The following GALR1 variants were observed in gnomAD, a reference collection of about 807,000 sequenced individuals.
GALR1 encodes the protein galanin receptor 1, also known as galanin receptor type 1.
Under a neutral mutation model 17.9 loss-of-function variants are expected in GALR1, and 11 were observed. The observed-to-expected ratio is 0.62, with a 90% CI of 0.39 to 1.02. GALR1 has a LOEUF of 1.02. Among genes scored for constraint, GALR1 ranks in the 50% least tolerant of loss-of-function variants. The pLI is 0.01. For synonymous variants in GALR1, 206 were observed against 205.7 expected, an observed-to-expected ratio of 1.00 and a Z score of -0.01; for missense variants, 441 against 456.9, an observed-to-expected ratio of 0.97 and a Z score of 0.32.
chr18:77,271,050 G>C lies in GALR1; in HGVS notation c.*2148G>C, dbSNP rs965955709. The C allele has an allele frequency of 1.3e-5, 2 of 152,114 alleles. No homozygotes were observed. Among genetic ancestry groups the C allele is most frequent in the African/African-American group, 4.8e-5 (2 of 41,416 alleles). 9.4% of individuals were successfully genotyped at this position (152,114 alleles called of 1,614,324 possible). On this transcript the variant is annotated 3_prime_UTR_variant, in exon 3 of 3. Transcript: ENST00000299727. ...TTTGCATGAATGGAAATGATTTCTT[G>C]CACCATGGCTATTTCTTTGTTTTCT... is the stretch of plus-strand genomic sequence containing the variant.
Position 77,250,772 on chromosome 18 carries a change from T to G in GALR1, c.224T>G (p.Leu75Arg). ...KPRSTTNLFILNLSIADLAYL... is the reference protein window; with the variant it reads ...KPRSTTNLFIRNLSIADLAYL... ...CGGAGCACCACCAACCTGTTCATCCTCAACCTGAGCATCGCCGACCTGGCC... is the reference window on the plus strand; with the variant it reads ...CGGAGCACCACCAACCTGTTCATCCGCAACCTGAGCATCGCCGACCTGGCC... Residue 75 changes from leucine (L) to arginine (R), a missense_variant, in exon 1 of 3, where the codon CTC (leucine) becomes CGC (arginine). Leu to Arg is a moderately radical substitution (Grantham distance 102). Coordinates refer to ENST00000299727, the MANE Select transcript of GALR1 (RefSeq NM_001480.4). The G allele has an allele frequency of 1.2e-6, 2 of 1,614,010 alleles. No individual in the cohort carries two copies. Among genetic ancestry groups the G allele is most frequent in the Non-Finnish European group, 8.5e-7 (1 of 1,179,996 alleles).
chr18:77,255,779 G>A (rs1912574166), intron 1 of GALR1, among the ~76,000 whole-genome samples: 1 of 152,138 alleles, frequency 6.6e-6, no homozygotes, highest in Non-Finnish European at 1.5e-5. Flanking sequence ...GCAGGGACCT[G>A]GTGTTTATTA....
Position 77,250,409 on chromosome 18 carries a change from C to A in GALR1, c.-140C>A. ...GCCACCGGATCCCCGCTCCCGCTGGCTCGCGCCTCGGGGGAAGCTCAGACT... is the reference window on the plus strand; with the variant it reads ...GCCACCGGATCCCCGCTCCCGCTGGATCGCGCCTCGGGGGAAGCTCAGACT... On this transcript the variant is annotated 5_prime_UTR_variant, in exon 1 of 3. Transcript: ENST00000299727. 1 of 907,942 alleles carries A rather than the reference C, an allele frequency of 1.1e-6. No homozygotes were observed. Among genetic ancestry groups the A allele is most frequent in the Non-Finnish European group, 1.5e-6 (1 of 654,260 alleles). 56.2% of individuals were successfully genotyped at this position (907,942 alleles called of 1,614,324 possible).
intron 2 of GALR1, among the ~76,000 whole-genome samples, chr18:77,263,013 G>C (rs779205639): frequency 1.3e-5 from 2 of 152,206 alleles, no homozygotes; most frequent in African/African-American, 4.8e-5. Flanking sequence ...TGTTGATAAG[G>C]CATAGATCTT....
rs1259344730 is a variant in GALR1, at chr18:77,252,353, CT to C, written c.666+1140del. Among the ~76,000 whole-genome samples, 4 of 152,256 alleles carry C rather than the reference CT, an allele frequency of 2.6e-5. No individual in the cohort carries two copies. The East Asian group carries it at 7.7e-4, about 29-fold the overall frequency. ...TTACCAGTTCCACCCGACTTCACCG[CT>C]GTCTCTCATTCTGTTTCAATAAGGC... is the stretch of plus-strand genomic sequence containing the variant. On this transcript the variant is annotated intron_variant, in intron 1 of 2. Coordinates refer to ENST00000299727, the MANE Select transcript of GALR1 (RefSeq NM_001480.4).
At position 77,272,805 on chromosome 18, in the gene GALR1, C is replaced by T. The variant is rs1913088411; in HGVS notation, c.*3903C>T. On this transcript the variant is annotated 3_prime_UTR_variant, in exon 3 of 3. Transcript: ENST00000299727. Reference sequence around the variant, plus strand: ...AGGTGGTTTAAAATTCAGATAGTTACATGTTGGCCTGGAAAGAACAAAATT... The same window carrying T: ...AGGTGGTTTAAAATTCAGATAGTTATATGTTGGCCTGGAAAGAACAAAATT... 6.6e-6 allele frequency: 1 copy of T among 152,156 alleles called. No homozygotes were observed. The highest frequency in any genetic ancestry group is 6.5e-5 in the Admixed American group (1 of 15,282). The allele number at this position is 152,156 out of a possible 1,614,324, so 9.4% of individuals were successfully genotyped here.
intron 2 of GALR1, among the ~76,000 whole-genome samples, chr18:77,257,514 A>T (rs1481059355): frequency 1.3e-5 from 2 of 152,218 alleles, no homozygotes; most frequent in Non-Finnish European, 2.9e-5. Flanking sequence ...AAACCCTGTA[A>T]GTTGGTGCTT....
chr18:77,255,749 A>G (rs1244450970), intron 1 of GALR1, among the ~76,000 whole-genome samples: 1 of 152,192 alleles, frequency 6.6e-6, no homozygotes, highest in Non-Finnish European at 1.5e-5. Flanking sequence ...TCCAGGATCT[A>G]ACTTTGTGCC....
rs1464900669 is a variant in GALR1, at chr18:77,275,453, T to C, written c.*6551T>C. The C allele has an allele frequency of 6.6e-6, 1 of 152,224 alleles. No homozygotes were observed. Among genetic ancestry groups the C allele is most frequent in the Admixed American group, 6.5e-5 (1 of 15,280 alleles). The allele number at this position is 152,224 out of a possible 1,614,324, so 9.4% of individuals were successfully genotyped here. ...TCTGTCATTCCTGGTCTAGAGTTCATGTGTGAAGGTCAAATATAGGTGGGG... is the reference window on the plus strand; with the variant it reads ...TCTGTCATTCCTGGTCTAGAGTTCACGTGTGAAGGTCAAATATAGGTGGGG... On this transcript the variant is annotated 3_prime_UTR_variant, in exon 3 of 3. Transcript: ENST00000299727.
At chr18:77,256,353 AG>A in intron 2 of GALR1, 130 bp downstream of exon 2, 1 of 574,964 alleles carries the variant, frequency 1.7e-6, no homozygotes, top group East Asian at 2.9e-5. Flanking sequence ...AGGAGGTTTG[AG>A]ATGAGCCTCC....
At chr18:77,266,860 A>G (rs2144966919) in intron 2 of GALR1, among the ~76,000 whole-genome samples, 1 of 152,324 alleles carries the variant, frequency 6.6e-6, no homozygotes, top group East Asian at 1.9e-4. Flanking sequence ...TGTGGAGATT[A>G]TGGGAATGAC....
chr18:77,262,243 C>T (rs1912847753), intron 2 of GALR1, among the ~76,000 whole-genome samples: 1 of 151,554 alleles, frequency 6.6e-6, no homozygotes, highest in African/African-American at 2.4e-5. Context: ...AAGCTTTGCA[C>T]TGGTTGAGGA....
chr18:77,259,328 GGTGGCGATT>G (rs1912755275), intron 2 of GALR1, among the ~76,000 whole-genome samples: 2 of 138,558 alleles, frequency 1.4e-5, no homozygotes, highest in African/African-American at 5.2e-5. Flanking sequence ...TGGTGGTCAT[GGTGGCGATT>G]GTGGTGATGG....
At chr18:77,256,500 TGA>T (rs57017914) in intron 2 of GALR1, among the ~76,000 whole-genome samples, 74,360 of 151,370 alleles carry the variant, frequency 0.49, 18,650 homozygotes, top group East Asian at 0.77. Flanking sequence ...CACCAGGAGG[TGA>T]GTGCACTTAG....
chr18:77,259,408 G>A (rs1212410293), intron 2 of GALR1, among the ~76,000 whole-genome samples: 2 of 140,638 alleles, frequency 1.4e-5, no homozygotes, highest in Non-Finnish European at 3.2e-5. Context: ...GGTCATGGTG[G>A]TTATGGTGGT....
intron 2 of GALR1, among the ~76,000 whole-genome samples, chr18:77,258,775 G>C (rs1912687001): frequency 2.9e-5 from 4 of 135,852 alleles, no homozygotes; most frequent in African/African-American, 1.1e-4. Flanking sequence ...TTGTGATAGT[G>C]ATGGTGGTGG....
Position 77,251,184 on chromosome 18 carries a change from G to C in GALR1, c.636G>C (p.Pro212=). ...CCTTCGTCTTCGGCTACCTGCTGCC[G>C]CTCCTGCTCATCTGCTTCTGCTATG... ...VCTFVFGYLL[P]LLLICFCYAK... is the part of the protein sequence containing the mutation. Residue 212 remains proline (P), a synonymous_variant, in exon 1 of 3, where the codon CCG becomes CCC. Coordinates refer to ENST00000299727, the MANE Select transcript of GALR1 (RefSeq NM_001480.4). 1 of 1,609,602 alleles carries C rather than the reference G, an allele frequency of 6.2e-7. No individual in the cohort carries two copies. The highest frequency in any genetic ancestry group is 8.5e-7 in the Non-Finnish European group (1 of 1,177,204).
In GALR1 at chr18:77,273,059, GTTTCT is replaced by G. The variant is rs889373129; in HGVS notation, c.*4164_*4168del. Reference sequence around the variant, plus strand: ...AAAGTGCTGTGGATAATAGATGGTGGTTTCTTTTCTTAGTGTGGCAGGTTCACTCA... The same window carrying G: ...AAAGTGCTGTGGATAATAGATGGTGGTTTCTTAGTGTGGCAGGTTCACTCA... On this transcript the variant is annotated 3_prime_UTR_variant, in exon 3 of 3. Transcript: ENST00000299727. The G allele has an allele frequency of 3.3e-5, 5 of 152,316 alleles. No homozygotes were observed. Among genetic ancestry groups the G allele is most frequent in the African/African-American group, 1.2e-4 (5 of 41,566 alleles). The allele number at this position is 152,316 out of a possible 1,614,324, so 9.4% of individuals were successfully genotyped here.
At position 77,276,397 on chromosome 18, in the gene GALR1, G is replaced by C. The variant is rs567327256; in HGVS notation, c.*7495G>C. On this transcript the variant is annotated 3_prime_UTR_variant, in exon 3 of 3. Coordinates refer to ENST00000299727, the MANE Select transcript of GALR1 (RefSeq NM_001480.4). ...AATGTCAGTGAGTTTGAAACTGGCTGTACAGTTGAATGAGCTGGGCAGTTG... is the reference window on the plus strand; with the variant it reads ...AATGTCAGTGAGTTTGAAACTGGCTCTACAGTTGAATGAGCTGGGCAGTTG... 1 of 152,240 alleles carries C rather than the reference G, an allele frequency of 6.6e-6. No individual in the cohort carries two copies. The highest frequency in any genetic ancestry group is 1.5e-5 in the Non-Finnish European group (1 of 68,048). 9.4% of individuals were successfully genotyped at this position (152,240 alleles called of 1,614,324 possible).
Sources: gnomAD v4.1 joint callset for allele counts (sites outside exome capture counted in the v4.1 genomes callset) on GRCh38, gnomAD v4.1.1 for gene constraint, MANE v1.5 for transcripts, NCBI Gene and HGNC (gene_info 2026-07-23, HGNC 2026-07-21) for gene names.